Variants in TUBD1 observed in about 807,000 individuals in gnomAD.
TUBD1 encodes the protein tubulin delta chain.
In TUBD1, 38 loss-of-function variants were observed where a neutral mutation model predicts 51.2. The ratio of observed to expected loss-of-function variants is 0.74; its 90% confidence interval spans 0.57 to 0.97. TUBD1 has a LOEUF of 0.97. Among genes scored for constraint, TUBD1 ranks in the 50% least tolerant of loss-of-function variants. The probability of loss-of-function intolerance (pLI) is 0.00; values close to 1 mark genes in which losing one functional copy is unlikely to be tolerated. For missense variants in TUBD1, 489 were observed against 538.4 expected, an observed-to-expected ratio of 0.91 and a Z score of 0.91; for synonymous variants, 169 against 178.2, an observed-to-expected ratio of 0.95 and a Z score of 0.41.
At position 59,881,100 on chromosome 17, in the gene TUBD1, G is replaced by A; in HGVS notation, c.331C>T (p.His111Tyr). 6.2e-7 allele frequency: 1 copy of A among 1,613,536 alleles called. No homozygotes were observed. The highest frequency in any genetic ancestry group is 8.5e-7 in the Non-Finnish European group (1 of 1,179,532). Reference protein sequence around the residue: ...GNNWAYGYSVHGPRHEESIMN... With the variant: ...GNNWAYGYSVYGPRHEESIMN... The stretch of plus-strand genomic sequence containing the variant: ...ATAGATTCTTCATGCCTGGGTCCAT[G>A]AACAGAGTAACTATGCAATGGCAAA... The change falls in exon 4 of 9, where the codon CAT (histidine) becomes TAT (tyrosine). Residue 111 changes from histidine to tyrosine, a missense_variant. Physicochemically the swap from His to Tyr is moderately conservative, Grantham distance 83. Coordinates refer to ENST00000325752, the MANE Select transcript of TUBD1 (RefSeq NM_016261.4).
At chr17:59,869,176 G>A (rs1034733905) in intron 6 of TUBD1, among the ~76,000 whole-genome samples, 7 of 151,592 alleles carry the variant, frequency 4.6e-5, no homozygotes, top group Admixed American at 4.6e-4. Context: ...ATACAACTGT[G>A]AAAAAATGCT....
chr17:59,874,061 C>T (rs1480721495), intron 6 of TUBD1, among the ~76,000 whole-genome samples: 2 of 150,598 alleles, frequency 1.3e-5, no homozygotes, highest in Non-Finnish European at 3.0e-5. Context: ...TGGTGGCAGG[C>T]GCCTGTAGTC....
At position 59,886,189 on chromosome 17, in the gene TUBD1, CT is replaced by C. The variant is rs1487671648; in HGVS notation, c.213del (p.Val72LeufsTer48). The C allele has an allele frequency of 6.2e-7, 1 of 1,613,742 alleles. No individual in the cohort carries two copies. The highest frequency in any genetic ancestry group is 8.5e-7 in the Non-Finnish European group (1 of 1,179,932). ...GCCTTTGACAGCATTTGATTGATAA[CT>C]TTGGGTTCCATGTCAACAAGAACAG... is the stretch of plus-strand genomic sequence containing the variant. ...ARAVLVDMEP[K>X]VINQMLSKAA... On this transcript the variant is annotated frameshift_variant, in exon 3 of 9. Transcript: ENST00000325752. LOFTEE classifies it high-confidence loss of function.
intron 4 of TUBD1, among the ~76,000 whole-genome samples, chr17:59,879,729 G>A (rs1288173565): frequency 1.3e-5 from 2 of 150,762 alleles, no homozygotes; most frequent in Non-Finnish European, 3.0e-5. Flanking sequence ...AGCCCCAACT[G>A]CCTGGCCATT....
intron 4 of TUBD1, among the ~76,000 whole-genome samples, chr17:59,880,523 AT>A (rs562333309): frequency 9.4e-4 from 142 of 151,226 alleles, no homozygotes; most frequent in Non-Finnish European, 1.5e-3. Context: ...TTATTTATTT[AT>A]TTTTTTTTGA....
chr17:59,860,677 C>G (rs371914519), intron 8 of TUBD1, among the ~76,000 whole-genome samples: 1 of 151,838 alleles, frequency 6.6e-6, no homozygotes, highest in East Asian at 1.9e-4. Context: ...ACCTCCACCT[C>G]CCAGGTTCAA....
intron 2 of TUBD1, among the ~76,000 whole-genome samples, chr17:59,889,068 T>G (rs1218389890): frequency 7.7e-6 from 1 of 129,312 alleles, no homozygotes; most frequent in Non-Finnish European, 1.6e-5. Flanking sequence ...CAGGCTGGAG[T>G]GCAGTGGCGA....
chr17:59,885,987 G>A (rs1028195982), intron 3 of TUBD1, 96 bp downstream of exon 3: 2 of 1,322,994 alleles, frequency 1.5e-6, no homozygotes, highest in Admixed American at 2.3e-5. Flanking sequence ...TCAAGATTAT[G>A]TGCTTGGTAT....
In TUBD1 at chr17:59,890,526, G is replaced by A. The variant is rs149468762; in HGVS notation, c.172+305C>T. 9.2e-5 allele frequency among the ~76,000 whole-genome samples: 14 copies of A among 152,326 alleles called. No homozygotes were observed. In the East Asian group the frequency reaches 2.7e-3, roughly 29 times the overall value. ...CAAAGTGCTGGGATTACAGGCGTGA[G>A]CCACCACGCCCAGCCAGCAGGGTCC... On this transcript the variant is annotated intron_variant, in intron 2 of 8. Coordinates refer to ENST00000325752, the MANE Select transcript of TUBD1 (RefSeq NM_016261.4).
intron 2 of TUBD1, among the ~76,000 whole-genome samples, chr17:59,887,196 A>C (rs1454899287): frequency 6.6e-6 from 1 of 151,992 alleles, no homozygotes; most frequent in Non-Finnish European, 1.5e-5. Context: ...CAAAACAAAC[A>C]AACAAACAAA....
intron 8 of TUBD1, 43 bp from the exon 9 acceptor site, chr17:59,860,467 T>C (rs750548164): frequency 7.6e-7 from 1 of 1,322,622 alleles, no homozygotes; most frequent in Admixed American, 2.0e-5. Context: ...AAATAAAAAA[T>C]GTCTGGCAAA....
At chr17:59,881,218 G>A in intron 3 of TUBD1, 108 bp from the exon 4 acceptor site, 2 of 886,274 alleles carry the variant, frequency 2.3e-6, no homozygotes, top group Non-Finnish European at 3.5e-6. Flanking sequence ...AACTACGGAA[G>A]TGAAGGAACT....
intron 1 of TUBD1, among the ~76,000 whole-genome samples, chr17:59,891,426 C>T (rs1208293526): frequency 1.3e-5 from 2 of 152,130 alleles, no homozygotes; most frequent in African/African-American, 2.4e-5. Context: ...TGAGCCACCA[C>T]GCCCGGCCCA....
At chr17:59,860,514 C>T (rs1268579304) in intron 8 of TUBD1, 90 bp from the exon 9 acceptor site, 2 of 766,448 alleles carry the variant, frequency 2.6e-6, no homozygotes, top group East Asian at 5.2e-5. Flanking sequence ...CCTTTTCTAG[C>T]TGATGAACAT....
intron 8 of TUBD1, among the ~76,000 whole-genome samples, chr17:59,862,714 ATTTTTTTTTTT>A (rs71145582): frequency 2.2e-3 from 128 of 56,986 alleles, no homozygotes; most frequent in Non-Finnish European, 3.4e-3. Context: ...TAATTTTTGT[ATTTTTTTTTTT>A]TTTTTTTTTT....
chr17:59,863,955 C>T, intron 7 of TUBD1, 108 bp from the exon 8 acceptor site: 1 of 1,026,198 alleles, frequency 9.7e-7, no homozygotes, highest in Non-Finnish European at 1.3e-6. Flanking sequence ...TTTTATTTTG[C>T]CTTTTAAAAC....
intron 8 of TUBD1, among the ~76,000 whole-genome samples, chr17:59,862,973 G>A (rs1466957750): frequency 2.0e-5 from 3 of 152,036 alleles, no homozygotes; most frequent in Admixed American, 6.6e-5. Context: ...TGATCTGCTC[G>A]CCTCAGCCTC....
chr17:59,882,433 C>A (rs557287881), intron 3 of TUBD1, among the ~76,000 whole-genome samples: 1 of 151,862 alleles, frequency 6.6e-6, no homozygotes, highest in Admixed American at 6.6e-5. Flanking sequence ...ATTAAAGGTG[C>A]GCGCCACCAC....
At chr17:59,869,742 G>T (rs950135571) in intron 6 of TUBD1, among the ~76,000 whole-genome samples, 2 of 152,052 alleles carry the variant, frequency 1.3e-5, no homozygotes, top group African/African-American at 4.8e-5. Context: ...AAATCCGTAA[G>T]ATATTACAAA....
Sources: allele counts gnomAD v4.1 joint callset (sites outside exome capture counted in the v4.1 genomes callset), GRCh38; gene constraint gnomAD v4.1.1; transcripts MANE v1.5; gene names NCBI Gene and HGNC (gene_info 2026-07-23, HGNC 2026-07-21).